Variants in ADAM28 observed in about 807,000 individuals in gnomAD.
ADAM28 encodes disintegrin and metalloproteinase domain-containing protein 28.
Under a neutral mutation model 101.2 loss-of-function variants are expected in ADAM28, and 105 were observed. The ratio of observed to expected loss-of-function variants is 1.04; its 90% CI spans 0.89 to 1.22. ADAM28 has a LOEUF of 1.22. Among genes scored for constraint, ADAM28 ranks in the 50% most tolerant of loss-of-function variants. ADAM28 has a pLI of 0.00. For missense variants in ADAM28, 1,028 were observed against 945.4 expected (o/e 1.09, Z -1.15); for synonymous variants, 322 against 310.6 (o/e 1.04, Z -0.39).
chr8:24,349,444 T>C (rs1014658814), intron 18 of ADAM28, among the ~76,000 whole-genome samples: 3 of 152,188 alleles, frequency 2.0e-5, no homozygotes, highest in African/African-American at 7.2e-5. Flanking sequence ...CCTCAGCTTC[T>C]TATTCACTAA....
At chr8:24,331,395 T>C in intron 12 of ADAM28, 68 bp downstream of exon 12, 1 of 1,446,092 alleles carries the variant, frequency 6.9e-7, no homozygotes, top group Non-Finnish European at 9.3e-7. Context: ...AACTACAAAA[T>C]AATGTGTGGC....
intron 6 of ADAM28, among the ~76,000 whole-genome samples, chr8:24,314,016 C>T (rs914982654): frequency 6.6e-5 from 10 of 152,254 alleles, no homozygotes; most frequent in Admixed American, 5.9e-4. Flanking sequence ...CTCAGCCTCC[C>T]AAAGTGCTGA....
rs1816654599 is a variant in ADAM28 at position 24,355,929 on chromosome 8, TTGTC to T, written c.*1528_*1531del. 2 of 152,166 alleles carry T rather than the reference TTGTC, an allele frequency of 1.3e-5. No homozygotes were observed. Among genetic ancestry groups the T allele is most frequent in the South Asian group, 4.1e-4 (2 of 4,826 alleles). 9.4% of individuals were successfully genotyped at this position (152,166 alleles called of 1,614,324 possible). On this transcript the variant is annotated 3_prime_UTR_variant, in exon 23 of 23. Coordinates refer to ENST00000265769, the MANE Select transcript of ADAM28 (RefSeq NM_014265.6). ...ATCACAGCTACAGTTTTTCTTGTAT[TTGTC>T]TGCTTCACCCATTTCTATCAATCAC...
At position 24,341,348 on chromosome 8, in the gene ADAM28, G is replaced by A. The variant is rs192076292; in HGVS notation, c.1671-250G>A. 1,640 of 360,246 alleles carry A rather than the reference G, an allele frequency of 4.6e-3. 25 individuals are homozygous for A. The highest frequency in any genetic ancestry group is 0.029 in the South Asian group (308 of 10,570). 22.3% of individuals were successfully genotyped at this position (360,246 alleles called of 1,614,324 possible). A position where few individuals can be genotyped will look rare whatever the true frequency, so the allele number is the denominator to read the frequency against. ...GCTTAAGATTCTGTTTTCTTCTCATGGGCCAGCACTTCGGCAACTGGCAAA... is the reference window on the plus strand; with the variant it reads ...GCTTAAGATTCTGTTTTCTTCTCATAGGCCAGCACTTCGGCAACTGGCAAA... On this transcript the variant is annotated intron_variant, in intron 15 of 22. Transcript: ENST00000265769.
chr8:24,327,176 C>G (rs1480168657), intron 10 of ADAM28, among the ~76,000 whole-genome samples: 1 of 152,136 alleles, frequency 6.6e-6, no homozygotes, highest in Non-Finnish European at 1.5e-5. Context: ...TATCCTTAAG[C>G]TGGTAAGCAA....
At chr8:24,306,651 G>A (rs1419442920) in intron 2 of ADAM28, among the ~76,000 whole-genome samples, 1 of 151,606 alleles carries the variant, frequency 6.6e-6, no homozygotes, top group East Asian at 1.9e-4. Flanking sequence ...GGTCATAGGG[G>A]GCATATGTAT....
At position 24,328,018 on chromosome 8, in the gene ADAM28, C is replaced by T. The variant is rs138411147; in HGVS notation, c.972+1383C>T. Reference sequence around the variant, plus strand: ...CAACAAACCCCCATGACACAGTTTACGTAAGTAACAATCCTGCACTTGTAC... The same window carrying T: ...CAACAAACCCCCATGACACAGTTTATGTAAGTAACAATCCTGCACTTGTAC... On this transcript the variant is annotated intron_variant, in intron 10 of 22. Transcript: ENST00000265769. Among the ~76,000 whole-genome samples the T allele has an allele frequency of 1.4e-3, 211 of 152,122 alleles. 3 individuals are homozygous for T. The highest frequency in any genetic ancestry group is 4.7e-3 in the African/African-American group (196 of 41,504).
chr8:24,335,228 T>C (rs1453644489), intron 13 of ADAM28, among the ~76,000 whole-genome samples: 1 of 152,068 alleles, frequency 6.6e-6, no homozygotes, highest in East Asian at 1.9e-4. Flanking sequence ...TGATACAAAT[T>C]CAGAAATATT....
chr8:24,343,054 C>T (rs2129329333), intron 16 of ADAM28, 47 bp from the exon 17 acceptor site: 1 of 1,612,234 alleles, frequency 6.2e-7, no homozygotes, highest in South Asian at 1.1e-5. Context: ...ACTTTCTCAT[C>T]TACGTTCAGA....
intron 18 of ADAM28, among the ~76,000 whole-genome samples, chr8:24,346,325 C>G (rs1358001383): frequency 1.3e-4 from 20 of 151,974 alleles, no homozygotes; most frequent in Non-Finnish European, 2.9e-4. Flanking sequence ...TCTCCAAATA[C>G]CCCATGAGTA....
In ADAM28 at chr8:24,330,511, C is replaced by T. The variant is rs778310474; in HGVS notation, c.1103+396C>T. ...TATGAAAAGACATCACACATTCCCTCCCTGAATTAGGCAAAATTTTTAGGC... is the reference window on the plus strand; with the variant it reads ...TATGAAAAGACATCACACATTCCCTTCCTGAATTAGGCAAAATTTTTAGGC... On this transcript the variant is annotated intron_variant, in intron 11 of 22. Transcript: ENST00000265769. Among the ~76,000 whole-genome samples the T allele has an allele frequency of 5.1e-4, 77 of 152,162 alleles. 1 individual carries two copies. The highest frequency in any genetic ancestry group is 8.1e-4 in the Non-Finnish European group (55 of 68,024).
rs1039945408 is a variant in ADAM28, at chr8:24,317,308, G to A, written c.577-2928G>A. Reference sequence around the variant, plus strand: ...GTTATATTACAAAGATATAGTAATCGAAAGAGTATAATGGCATAAAACCAG... The same window carrying A: ...GTTATATTACAAAGATATAGTAATCAAAAGAGTATAATGGCATAAAACCAG... On this transcript the variant is annotated intron_variant, in intron 6 of 22. Coordinates refer to ENST00000265769, the MANE Select transcript of ADAM28 (RefSeq NM_014265.6). 4.0e-5 allele frequency among the ~76,000 whole-genome samples: 6 copies of A among 151,864 alleles called. No individual in the cohort carries two copies. The South Asian group carries it at 6.2e-4, about 16-fold the overall frequency.
intron 6 of ADAM28, among the ~76,000 whole-genome samples, chr8:24,316,486 G>C (rs1585582603): frequency 6.6e-6 from 1 of 152,000 alleles, no homozygotes; most frequent in East Asian, 1.9e-4. Flanking sequence ...TAAGAACACT[G>C]TTGCATTATT....
chr8:24,349,271 TATATTCATTATTTAA>T (rs1815776846), intron 18 of ADAM28, among the ~76,000 whole-genome samples: 4 of 152,186 alleles, frequency 2.6e-5, no homozygotes, highest in Admixed American at 2.6e-4. Flanking sequence ...AGAGTGAAGT[TATATTCATTATTTAA>T]ATTTGTCAGT....
chr8:24,310,848 C>A lies in ADAM28; in HGVS notation c.307-513C>A, dbSNP rs536681307. Among the ~76,000 whole-genome samples, 7 of 151,954 alleles carry A rather than the reference C, an allele frequency of 4.6e-5. No individual in the cohort carries two copies. The South Asian group carries it at 1.5e-3, about 32-fold the overall frequency. On this transcript the variant is annotated intron_variant, in intron 4 of 22. Transcript: ENST00000265769. Reference sequence around the variant, plus strand: ...AAAGGTCCTTCATGGAACACCCACACGAAAAAATGTTAAGAAGGGCATTTT... The same window carrying A: ...AAAGGTCCTTCATGGAACACCCACAAGAAAAAATGTTAAGAAGGGCATTTT...
Position 24,311,229 on chromosome 8 carries a change from C to T in ADAM28, c.307-132C>T, listed in dbSNP as rs544561806. ...AAGATTTTAATTATTTTTTAAACAT[C>T]TTAGTTTACTGTTGTACAGCAGAAT... On this transcript the variant is annotated intron_variant, in intron 4 of 22. Coordinates refer to ENST00000265769, the MANE Select transcript of ADAM28 (RefSeq NM_014265.6). 8.5e-6 allele frequency: 5 copies of T among 585,722 alleles called. No homozygotes were observed. The Admixed American group carries it at 1.4e-4, about 16-fold the overall frequency. 36.3% of individuals were successfully genotyped at this position (585,722 alleles called of 1,614,324 possible). A position where few individuals can be genotyped will look rare whatever the true frequency, so the allele number is the denominator to read the frequency against.
intron 1 of ADAM28, among the ~76,000 whole-genome samples, chr8:24,299,141 C>G (rs1278407252): frequency 6.6e-6 from 1 of 152,142 alleles, no homozygotes; most frequent in Non-Finnish European, 1.5e-5. Flanking sequence ...TGCAGTGAAC[C>G]CTGTTTGTGC....
At chr8:24,332,817 T>C (rs1360736981) in intron 13 of ADAM28, 68 bp downstream of exon 13, 9 of 853,708 alleles carry the variant, frequency 1.1e-5, no homozygotes. Flanking sequence ...TCAGTGATTA[T>C]GTTAACTGAA....
At chr8:24,294,438 T>C (rs1807692902) in intron 1 of ADAM28, among the ~76,000 whole-genome samples, 1 of 152,172 alleles carries the variant, frequency 6.6e-6, no homozygotes, top group South Asian at 2.1e-4. Flanking sequence ...TCTGAGAATA[T>C]ACAGAAATAA....
Sources: allele counts gnomAD v4.1 joint callset (sites outside exome capture counted in the v4.1 genomes callset), GRCh38; gene constraint gnomAD v4.1.1; transcripts MANE v1.5; gene names NCBI Gene and HGNC (gene_info 2026-07-23, HGNC 2026-07-21).